Variants in PALB2 observed in about 807,000 individuals in gnomAD.
PALB2 encodes partner and localizer of BRCA2, also known as mutant partner and localizer of BRCA2.
PALB2 carries 82 observed loss-of-function variants against 107.4 expected under a neutral mutation model. The observed-to-expected ratio is 0.76, with a 90% CI of 0.64 to 0.92. PALB2 has a LOEUF of 0.92. Among genes scored for constraint, PALB2 ranks in the 40% least tolerant of loss-of-function variants. The pLI is 0.00. For missense variants in PALB2, 1,374 were observed against 1,379.9 expected (o/e 1.00, Z 0.07); for synonymous variants, 489 against 496.8 (o/e 0.98, Z 0.21).
rs768185311 is a variant in PALB2, at chr16:23,638,020, T to C, written c.108+50A>G. 39 of 1,607,110 alleles carry C rather than the reference T, an allele frequency of 2.4e-5. No individual in the cohort carries two copies. The East Asian group carries it at 6.9e-4, about 28-fold the overall frequency. ...AGTTTTATAGAGTCAAGAACTGTTT[T>C]TAAATTGTTTGTACTATAACACCTT... On this transcript the variant is annotated intron_variant, in intron 2 of 12. Transcript: ENST00000261584.
At chr16:23,640,123 T>G (rs1325665011) in intron 1 of PALB2, 1 of 164,662 alleles carries the variant, frequency 6.1e-6, no homozygotes, top group East Asian at 1.2e-4. Context: ...AACTCTGAGC[T>G]CAAGCGATCT....
intron 9 of PALB2, 139 bp from the exon 10 acceptor site, chr16:23,621,617 C>T (rs1966776065): frequency 1.5e-6 from 1 of 661,214 alleles, no homozygotes; most frequent in Admixed American, 2.4e-5. Flanking sequence ...AACGTGTATA[C>T]TAAACTTTCT....
In PALB2 at chr16:23,635,566, C is replaced by T. The variant is rs786202550; in HGVS notation, c.980G>A (p.Cys327Tyr). 1.2e-6 allele frequency: 2 copies of T among 1,612,862 alleles called. No individual in the cohort carries two copies. Among genetic ancestry groups the T allele is most frequent in the Non-Finnish European group, 1.7e-6 (2 of 1,179,318 alleles). ...ATTGTAGGTGAGTTCATTTAGAGAA[C>T]ATGAAATATTTGCCTCTAAATTAGA... is the stretch of plus-strand genomic sequence containing the variant. ...TSSNLEANIS[C>Y]SLNELTYNNL... The change falls in exon 4 of 13, where the codon TGT (cysteine) becomes TAT (tyrosine). Residue 327 changes from cysteine to tyrosine, a missense_variant. By Grantham distance (194) the Cys-to-Tyr change is radical. Coordinates refer to ENST00000261584, the MANE Select transcript of PALB2 (RefSeq NM_024675.4).
At position 23,603,219 on chromosome 16, in the gene PALB2, C is replaced by A; in HGVS notation, c.*240G>T. ...GAAGCTTTATGTACACCTTTAAAAG[C>A]ACATGTACAAATGTGGGAAATTACA... On this transcript the variant is annotated 3_prime_UTR_variant, in exon 13 of 13. Coordinates refer to ENST00000261584, the MANE Select transcript of PALB2 (RefSeq NM_024675.4). The A allele has an allele frequency of 2.1e-6, 1 of 485,376 alleles. No homozygotes were observed. Among genetic ancestry groups the A allele is most frequent in the Non-Finnish European group, 3.7e-6 (1 of 267,994 alleles). The allele number at this position is 485,376 out of a possible 1,614,324, so 30.1% of individuals were successfully genotyped here. A position where few individuals can be genotyped will look rare whatever the true frequency, so the allele number is the denominator to read the frequency against.
chr16:23,608,010 C>T lies in PALB2; in HGVS notation c.3204G>A (p.Gly1068=), dbSNP rs786203475. 3.1e-6 allele frequency: 5 copies of T among 1,613,386 alleles called. No individual in the cohort carries two copies. The highest frequency in any genetic ancestry group is 4.2e-6 in the Non-Finnish European group (5 of 1,179,512). ...SVCHKAYSEM[G]LLFIVLSHPC... is the part of the protein sequence containing the mutation. Reference sequence around the variant, plus strand: ...GATGACTCAGGACAATAAAGAGAAGCCCCTAATTTCGGAGAAAAATAAATA... The same window carrying T: ...GATGACTCAGGACAATAAAGAGAAGTCCCTAATTTCGGAGAAAAATAAATA... Residue 1068 remains glycine, a splice_region_variant and synonymous_variant, in exon 12 of 13, where the codon GGG becomes GGA. Transcript: ENST00000261584.
chr16:23,636,693 C>G (rs1967071101), intron 3 of PALB2, among the ~76,000 whole-genome samples: 1 of 152,140 alleles, frequency 6.6e-6, no homozygotes, highest in Admixed American at 6.5e-5. Context: ...CAGCATTGTG[C>G]TAAAAATGTT....
chr16:23,624,246 T>C, intron 7 of PALB2, 152 bp from the exon 8 acceptor site: 1 of 650,312 alleles, frequency 1.5e-6, no homozygotes, highest in Non-Finnish European at 2.7e-6. Flanking sequence ...TTATTAGCTG[T>C]AAATCTAAAT....
At position 23,636,202 on chromosome 16, in the gene PALB2, C is replaced by A. The variant is rs145598272; in HGVS notation, c.344G>T (p.Gly115Val). Reference sequence around the variant, plus strand: ...GTCATCTGTTCTTTGTATAGGTAATCCTCCTGGGCCATCTCCAGGGTTAAA... The same window carrying A: ...GTCATCTGTTCTTTGTATAGGTAATACTCCTGGGCCATCTCCAGGGTTAAA... ...ESFNPGDGPG[G>V]LPIQRTDDTQ... Residue 115 changes from glycine to valine, a missense_variant, in exon 4 of 13, where the codon GGA becomes GTA. By Grantham distance (109) the Gly-to-Val change is moderately radical. Coordinates refer to ENST00000261584, the MANE Select transcript of PALB2 (RefSeq NM_024675.4). 199 of 1,612,880 alleles carry A rather than the reference C, an allele frequency of 1.2e-4. No homozygotes were observed. Among genetic ancestry groups the A allele is most frequent in the Non-Finnish European group, 1.6e-4 (190 of 1,179,822 alleles).
rs374276951 is a variant in PALB2, at chr16:23,608,976, C to T, written c.3202-964G>A. On this transcript the variant is annotated intron_variant, in intron 11 of 12. Coordinates refer to ENST00000261584, the MANE Select transcript of PALB2 (RefSeq NM_024675.4). ...CCAAGTAGCTGGGATTACAGGTATG[C>T]GCCACCATGCCTGGCTAATTTTTGT... Among the ~76,000 whole-genome samples, 31 of 151,846 alleles carry T rather than the reference C, an allele frequency of 2.0e-4. 1 individual carries two copies. Among genetic ancestry groups the T allele is most frequent in the African/African-American group, 7.0e-4 (29 of 41,410 alleles).
chr16:23,609,072 C>T (rs990368558), intron 11 of PALB2, among the ~76,000 whole-genome samples: 2 of 152,088 alleles, frequency 1.3e-5, no homozygotes, highest in African/African-American at 4.8e-5. Flanking sequence ...GTGATCCACC[C>T]ACCTCAGCCT....
rs2142379989 is a variant in PALB2 at position 23,630,011 on chromosome 16, C to T, written c.2143G>A (p.Asp715Asn). 1 of 1,614,080 alleles carries T rather than the reference C, an allele frequency of 6.2e-7. No individual in the cohort carries two copies. ...ATGTCTGTGGTAGGCCTGTCATTAT[C>T]ATCAGGCGCAACCGTATTTAAAGGA... ...YTPLNTVAPD[D>N]NDRPTTDMCS... is the part of the protein sequence containing the mutation. Residue 715 changes from aspartate (D) to asparagine (N), a missense_variant, in exon 5 of 13, where the codon GAT (aspartate) becomes AAT (asparagine). Physicochemically the swap from Asp to Asn is conservative, Grantham distance 23. Transcript: ENST00000261584.
chr16:23,608,490 T>C (rs1272749294), intron 11 of PALB2, among the ~76,000 whole-genome samples: 6 of 152,164 alleles, frequency 3.9e-5, no homozygotes, highest in Non-Finnish European at 8.8e-5. Context: ...TGGGGAAATA[T>C]TGGCAAAGAG....
intron 4 of PALB2, among the ~76,000 whole-genome samples, chr16:23,631,046 T>C (rs1256881800): frequency 6.0e-5 from 9 of 150,104 alleles, no homozygotes; most frequent in Admixed American, 6.0e-4. Context: ...GGCGGATCAC[T>C]TGAGGTCAGG....
rs189355119 is a variant in PALB2, at chr16:23,619,599, G to T, written c.3113+1763C>A. Among the ~76,000 whole-genome samples the T allele has an allele frequency of 8.8e-3, 1,342 of 152,068 alleles. 12 individuals are homozygous for T. Among genetic ancestry groups the T allele is most frequent in the Non-Finnish European group, 0.013 (906 of 67,972 alleles). ...CTGAGTAACTTTGGACTGTATCCTA[G>T]TTACAGTGATATTAATATGTTGCAA... is the stretch of plus-strand genomic sequence containing the variant. On this transcript the variant is annotated intron_variant, in intron 10 of 12. Transcript: ENST00000261584.
chr16:23,630,515 AACAG>A lies in PALB2; in HGVS notation c.1685-50_1685-47del, dbSNP rs775516114. The A allele has an allele frequency of 1.1e-5, 15 of 1,422,466 alleles. No individual in the cohort carries two copies. The highest frequency in any genetic ancestry group is 4.3e-5 in the African/African-American group (3 of 70,244). The allele number at this position is 1,422,466 out of a possible 1,614,324, so 88.1% of individuals were successfully genotyped here. On this transcript the variant is annotated intron_variant, in intron 4 of 12. Transcript: ENST00000261584. ...ACAAAATAGTAACAAAACCCAACAA[AACAG>A]ACAATCTGTTTCACTGATGACAAAG...
Position 23,630,280 on chromosome 16 carries a change from T to C in PALB2, c.1874A>G (p.Glu625Gly), listed in dbSNP as rs1555460607. 6.2e-7 allele frequency: 1 copy of C among 1,614,204 alleles called. No homozygotes were observed. The highest frequency in any genetic ancestry group is 8.5e-7 in the Non-Finnish European group (1 of 1,180,034). The change falls in exon 5 of 13, where the codon GAA becomes GGA. Residue 625 changes from glutamate (E) to glycine (G), a missense_variant. By Grantham distance (98) the Glu-to-Gly change is moderately conservative. Coordinates refer to ENST00000261584, the MANE Select transcript of PALB2 (RefSeq NM_024675.4). ...PDEDFGPLKL[E>G]KVKSCSEKPV... ...TTTTTCTGAGCAGGACTTCACTTTT[T>C]CAAGCTTAAGAGGTCCAAAGTCTTC...
At chr16:23,610,452 G>A (rs1966564796) in intron 11 of PALB2, among the ~76,000 whole-genome samples, 1 of 151,566 alleles carries the variant, frequency 6.6e-6, no homozygotes, top group Non-Finnish European at 1.5e-5. Context: ...GGGACTACAG[G>A]TGCGCACCAC....
At chr16:23,641,040 A>G (rs969380122) in intron 1 of PALB2, 70 bp downstream of exon 1, 32 of 1,571,890 alleles carry the variant, frequency 2.0e-5, no homozygotes, top group Non-Finnish European at 2.8e-5. Context: ...CCGAGGACAC[A>G]AAGCCAGGCC....
In PALB2 at chr16:23,634,920, G is replaced by C. The variant is rs774223376; in HGVS notation, c.1626C>G (p.Ser542=). The C allele has an allele frequency of 6.2e-7, 1 of 1,614,054 alleles. No individual in the cohort carries two copies. The highest frequency in any genetic ancestry group is 1.1e-5 in the South Asian group (1 of 91,070). Residue 542 remains serine (S), a synonymous_variant, in exon 4 of 13, where the codon TCC becomes TCG. Transcript: ENST00000261584. The part of the protein sequence containing the change: ...PTSSLSIVNR[S]KEEVTSHKYQ... ...ATTTGTGTGAGGTGACTTCTTCCTT[G>C]GACCTGTTAACAATCGACAGGCTAG...
Sources: gnomAD v4.1 joint callset for allele counts (sites outside exome capture counted in the v4.1 genomes callset) on GRCh38, gnomAD v4.1.1 for gene constraint, MANE v1.5 for transcripts, NCBI Gene and HGNC (gene_info 2026-07-23, HGNC 2026-07-21) for gene names.